TTC1: variants seen among roughly 807,000 people sequenced by gnomAD.
TTC1 encodes the protein tetratricopeptide repeat domain 1.
TTC1 carries 31 observed loss-of-function variants against 37.6 expected under a neutral mutation model. The ratio of observed to expected loss-of-function variants is 0.82; its 90% CI spans 0.62 to 1.11. The LOEUF (loss-of-function observed/expected upper bound fraction) is 1.11. TTC1 is among the 50% of genes most tolerant of loss of function. The pLI is 0.00. For missense variants in TTC1, 351 were observed against 339.0 expected, an observed-to-expected ratio of 1.04 and a Z score of -0.28; for synonymous variants, 127 against 122.4, an observed-to-expected ratio of 1.04 and a Z score of -0.25.
At chr5:160,060,509 G>A (rs1342768035) in intron 7 of TTC1, among the ~76,000 whole-genome samples, 1 of 152,196 alleles carries the variant, frequency 6.6e-6, no homozygotes, top group Non-Finnish European at 1.5e-5. Flanking sequence ...TATTCAGGCT[G>A]AGTGATGGTG....
At chr5:160,054,599 C>T (rs979450494) in intron 7 of TTC1, among the ~76,000 whole-genome samples, 5 of 146,790 alleles carry the variant, frequency 3.4e-5, no homozygotes, top group African/African-American at 1.3e-4. Context: ...GACCCTGTCT[C>T]AAAAACAAAA....
intron 6 of TTC1, among the ~76,000 whole-genome samples, chr5:160,050,737 C>T (rs1003207018): frequency 6.6e-6 from 1 of 151,504 alleles, no homozygotes; most frequent in African/African-American, 2.4e-5. Context: ...GCAACCCTCC[C>T]ACCTCAGCCT....
At chr5:160,038,847 GA>G (rs1270519850) in intron 4 of TTC1, 2 of 152,032 alleles carry the variant, frequency 1.3e-5, no homozygotes, top group Admixed American at 1.3e-4. Context: ...ATTTTTAGTA[GA>G]GACAGAGTTT....
chr5:160,047,672 C>T (rs532360640), intron 5 of TTC1, among the ~76,000 whole-genome samples: 140 of 152,294 alleles, frequency 9.2e-4, no homozygotes, highest in African/African-American at 3.2e-3. Context: ...CTTTCCCTGG[C>T]CAGGAAGGTC....
intron 3 of TTC1, 123 bp downstream of exon 3, chr5:160,035,323 T>C: frequency 1.4e-6 from 1 of 691,526 alleles, no homozygotes. Context: ...AATACAGTGT[T>C]GCTTCCCAGT....
At chr5:160,025,495 A>G (rs772056844) in intron 2 of TTC1, among the ~76,000 whole-genome samples, 1 of 152,224 alleles carries the variant, frequency 6.6e-6, no homozygotes, top group South Asian at 2.1e-4. Flanking sequence ...CGAAATGACT[A>G]TAGGTCAGAG....
chr5:160,049,115 A>G (rs1404701243), intron 5 of TTC1, among the ~76,000 whole-genome samples: 1 of 152,216 alleles, frequency 6.6e-6, no homozygotes, highest in Non-Finnish European at 1.5e-5. Context: ...CCTGTTTTTG[A>G]TAGCCTAAAA....
intron 2 of TTC1, among the ~76,000 whole-genome samples, chr5:160,011,649 G>T (rs900196200): frequency 1.3e-5 from 2 of 152,232 alleles, no homozygotes; most frequent in African/African-American, 2.4e-5. Flanking sequence ...ACACTCTCCT[G>T]TTTCTTTGCC....
chr5:160,043,158 A>T lies in TTC1; in HGVS notation c.530A>T (p.Asp177Val). ...GACAAGAAAGAAATGGCCATCAATG[A>T]CTGCAGCAAAGGTACAGCTTTATTA... ...KQDKKEMAINDCSKAIQLNPS... is the reference protein window; with the variant it reads ...KQDKKEMAINVCSKAIQLNPS... The change falls in exon 5 of 8, where the codon GAC becomes GTC. Residue 177 changes from aspartate (D) to valine (V), a missense_variant. Transcript: ENST00000231238. 6.2e-7 allele frequency: 1 copy of T among 1,613,484 alleles called. No homozygotes were observed. Among genetic ancestry groups the T allele is most frequent in the South Asian group, 1.1e-5 (1 of 90,838 alleles).
intron 2 of TTC1, among the ~76,000 whole-genome samples, chr5:160,016,349 G>C (rs1269251876): frequency 6.6e-6 from 1 of 152,188 alleles, no homozygotes; most frequent in Non-Finnish European, 1.5e-5. Flanking sequence ...CTGCACTCCA[G>C]CCTGGGTGAC....
intron 2 of TTC1, among the ~76,000 whole-genome samples, chr5:160,016,279 G>A (rs567188830): frequency 6.6e-6 from 1 of 152,314 alleles, no homozygotes; most frequent in South Asian, 2.1e-4. Flanking sequence ...TTAGAAGGCT[G>A]AGGCACGAGA....
intron 2 of TTC1, chr5:160,023,973 T>A: frequency 6.4e-7 from 1 of 1,553,424 alleles, no homozygotes; most frequent in Non-Finnish European, 8.9e-7. Context: ...GAGTATTTGG[T>A]CCCACCTGGT....
intron 2 of TTC1, among the ~76,000 whole-genome samples, chr5:160,012,542 G>T (rs1756521339): frequency 6.6e-6 from 1 of 151,682 alleles, no homozygotes; most frequent in Admixed American, 6.6e-5. Context: ...ATTTTTGTGG[G>T]TTTTTTGGTA....
intron 7 of TTC1, among the ~76,000 whole-genome samples, chr5:160,062,643 C>G (rs1178594372): frequency 1.3e-5 from 2 of 152,170 alleles, no homozygotes; most frequent in Non-Finnish European, 2.9e-5. Flanking sequence ...TGTAATGGCC[C>G]TGGGCTCAGT....
chr5:160,014,500 CA>C (rs200268765), intron 2 of TTC1, among the ~76,000 whole-genome samples: 103 of 137,954 alleles, frequency 7.5e-4, no homozygotes, highest in African/African-American at 1.5e-3. Flanking sequence ...CCTGTCTTTC[CA>C]AAAAAAAAAA....
At chr5:160,051,106 C>A in intron 6 of TTC1, 23 bp from the exon 7 acceptor site, 1 of 1,533,324 alleles carries the variant, frequency 6.5e-7, no homozygotes, top group Non-Finnish European at 8.8e-7. Context: ...TTTACCAACC[C>A]TTGTTTCTCC....
intron 7 of TTC1, among the ~76,000 whole-genome samples, chr5:160,052,548 CAAA>C (rs557157232): frequency 0.01 from 694 of 68,062 alleles, 1 homozygote; most frequent in African/African-American, 0.037. Context: ...TCTATTTTAG[CAAA>C]AAAAAAAAAA....
intron 5 of TTC1, among the ~76,000 whole-genome samples, chr5:160,047,408 A>T (rs1646007536): frequency 6.6e-6 from 1 of 152,162 alleles, no homozygotes; most frequent in South Asian, 2.1e-4. Flanking sequence ...ATGGGCTCAA[A>T]TTTAAAGACA....
chr5:160,024,588 A>T (rs59547080), intron 2 of TTC1, among the ~76,000 whole-genome samples: 12,818 of 151,994 alleles, frequency 0.084, 700 homozygotes, highest in Admixed American at 0.18. Flanking sequence ...CCTCAAACTT[A>T]CGGGCTCAAG....
Sources: allele counts gnomAD v4.1 joint callset (sites outside exome capture counted in the v4.1 genomes callset), GRCh38; gene constraint gnomAD v4.1.1; transcripts MANE v1.5; gene names NCBI Gene and HGNC (gene_info 2026-07-23, HGNC 2026-07-21).